Variants in SND1 observed in about 807,000 individuals in gnomAD.
SND1 encodes staphylococcal nuclease and tudor domain containing 1.
In SND1, 38 loss-of-function variants were observed where a neutral mutation model predicts 121.7. The observed-to-expected ratio is 0.31, with a 90% confidence interval of 0.24 to 0.41. SND1 has a LOEUF of 0.41. SND1 is among the 10% of genes least tolerant of loss of function. SND1 has a pLI of 1.00. For synonymous variants in SND1, 401 were observed against 447.4 expected (o/e 0.90, Z 1.31); for missense variants, 868 against 1,184.6 (o/e 0.73, Z 3.92).
At chr7:127,859,836 G>A (rs1584624062) in intron 12 of SND1, among the ~76,000 whole-genome samples, 1 of 152,146 alleles carries the variant, frequency 6.6e-6, no homozygotes, top group Non-Finnish European at 1.5e-5. Context: ...GCTAACCACT[G>A]AGAAAGGGAG....
intron 12 of SND1, among the ~76,000 whole-genome samples, chr7:127,854,048 G>T (rs886542238): frequency 6.6e-6 from 1 of 152,032 alleles, no homozygotes; most frequent in Non-Finnish European, 1.5e-5. Flanking sequence ...TGCCTTTCAG[G>T]GTTTGCAAAC....
At chr7:127,917,218 G>T (rs965486666) in intron 14 of SND1, among the ~76,000 whole-genome samples, 1 of 152,196 alleles carries the variant, frequency 6.6e-6, no homozygotes, top group Non-Finnish European at 1.5e-5. Context: ...TAAAGCCACT[G>T]GGTGGGGTAA....
rs111383385 is a variant in SND1 at position 128,085,576 on chromosome 7, G to A, written c.2235-135G>A. 2.7e-6 allele frequency: 2 copies of A among 733,282 alleles called. No individual in the cohort carries two copies. Among genetic ancestry groups the A allele is most frequent in the Non-Finnish European group, 4.8e-6 (2 of 417,518 alleles). The allele number at this position is 733,282 out of a possible 1,614,324, so 45.4% of individuals were successfully genotyped here. A position where few individuals can be genotyped will look rare whatever the true frequency, so the allele number is the denominator to read the frequency against. On this transcript the variant is annotated intron_variant, in intron 19 of 23. Coordinates refer to ENST00000354725, the MANE Select transcript of SND1 (RefSeq NM_014390.4). The surrounding 1 kb of genome is among the most constrained non-coding windows in gnomAD (Gnocchi z 4.4). Reference sequence around the variant, plus strand: ...GGCCGAGGCTGGGCCTAGATGGAGTGCAGTTACTGTCCCCTGTGACACCCG... The same window carrying A: ...GGCCGAGGCTGGGCCTAGATGGAGTACAGTTACTGTCCCCTGTGACACCCG...
At chr7:128,026,695 G>A (rs35602492) in intron 16 of SND1, among the ~76,000 whole-genome samples, 9,777 of 152,218 alleles carry the variant, frequency 0.064, 383 homozygotes, top group Middle Eastern at 0.19. Flanking sequence ...CAGGTTCCTC[G>A]GGTAGAGCTG....
At chr7:127,935,108 T>A (rs529619411) in intron 15 of SND1, among the ~76,000 whole-genome samples, 3 of 152,308 alleles carry the variant, frequency 2.0e-5, no homozygotes, top group Non-Finnish European at 4.4e-5. Context: ...AACCTCTCGG[T>A]ACAGTTTCAT....
chr7:127,837,684 G>A (rs1483537093), intron 11 of SND1, among the ~76,000 whole-genome samples: 1 of 152,204 alleles, frequency 6.6e-6, no homozygotes, highest in African/African-American at 2.4e-5. Context: ...CGATGAATGG[G>A]TGATTGATGT....
chr7:127,769,414 T>C (rs1797475825), intron 10 of SND1, among the ~76,000 whole-genome samples: 1 of 152,234 alleles, frequency 6.6e-6, no homozygotes, highest in Non-Finnish European at 1.5e-5. Context: ...GTGCTATTAC[T>C]TGGTGATTTC....
At chr7:127,810,217 C>T (rs1005190141) in intron 11 of SND1, among the ~76,000 whole-genome samples, 1 of 152,100 alleles carries the variant, frequency 6.6e-6, no homozygotes, top group Admixed American at 6.6e-5. Context: ...ATTGCCTTTT[C>T]AACCCATTGC....
chr7:127,765,085 C>G (rs1193939313), intron 10 of SND1, among the ~76,000 whole-genome samples: 1 of 152,090 alleles, frequency 6.6e-6, no homozygotes, highest in African/African-American at 2.4e-5. Flanking sequence ...CCATCAGAAT[C>G]AGTTAGGTGA....
At chr7:127,870,704 G>C (rs943987429) in intron 12 of SND1, among the ~76,000 whole-genome samples, 1 of 152,142 alleles carries the variant, frequency 6.6e-6, no homozygotes, top group African/African-American at 2.4e-5. Flanking sequence ...GTTGCTTTGG[G>C]TGAATCATTG....
intron 10 of SND1, among the ~76,000 whole-genome samples, chr7:127,778,364 A>C (rs1797659385): frequency 6.6e-6 from 1 of 152,002 alleles, no homozygotes; most frequent in Non-Finnish European, 1.5e-5. Context: ...CGCCCAGCTA[A>C]CTTTTCATAT....
chr7:127,969,331 G>A (rs1158711217), intron 15 of SND1, among the ~76,000 whole-genome samples: 1 of 152,120 alleles, frequency 6.6e-6, no homozygotes, highest in Non-Finnish European at 1.5e-5. Context: ...GTGCAGTAAC[G>A]TGCTGTATGG....
chr7:127,847,476 A>T (rs552570149), intron 12 of SND1, among the ~76,000 whole-genome samples: 5 of 152,312 alleles, frequency 3.3e-5, no homozygotes, highest in Non-Finnish European at 7.4e-5. Flanking sequence ...TTTTATTTTC[A>T]TTTTAAACAT....
At chr7:127,999,305 G>A (rs1044461197) in intron 16 of SND1, 1 of 151,274 alleles carries the variant, frequency 6.6e-6, no homozygotes, top group Non-Finnish European at 1.5e-5. Flanking sequence ...CCTAGGGAAT[G>A]TGTCCCTACT....
chr7:127,915,201 A>G (rs1336812420), intron 14 of SND1, among the ~76,000 whole-genome samples: 1 of 151,902 alleles, frequency 6.6e-6, no homozygotes, highest in Non-Finnish European at 1.5e-5. Context: ...TTTTGTAGAG[A>G]TGGGGTTTTG....
chr7:127,873,227 A>G (rs1799630535), intron 12 of SND1, among the ~76,000 whole-genome samples: 1 of 152,052 alleles, frequency 6.6e-6, no homozygotes, highest in Admixed American at 6.6e-5. Flanking sequence ...GGGTTAGGGA[A>G]CCTCACAGGA....
intron 10 of SND1, among the ~76,000 whole-genome samples, chr7:127,778,422 C>T (rs1489427141): frequency 6.6e-6 from 1 of 152,196 alleles, no homozygotes; most frequent in Non-Finnish European, 1.5e-5. Context: ...TGGTCTCGAT[C>T]TCCTGACCTT....
intron 10 of SND1, among the ~76,000 whole-genome samples, chr7:127,752,766 C>A (rs570510014): frequency 2.6e-5 from 4 of 152,288 alleles, no homozygotes; most frequent in African/African-American, 9.6e-5. Context: ...ATGCTGAAAT[C>A]TGAATTTCAT....
At chr7:128,081,982 C>T (rs371825791) in intron 18 of SND1, 5 of 534,174 alleles carry the variant, frequency 9.4e-6, no homozygotes. Flanking sequence ...TAACATAGCC[C>T]TGAGTGATAG....
Sources: gnomAD v4.1 joint callset for allele counts (sites outside exome capture counted in the v4.1 genomes callset) on GRCh38, gnomAD v4.1.1 for gene constraint, Gnocchi (gnomAD v3.1) non-coding constraint, MANE v1.5 for transcripts, NCBI Gene and HGNC (gene_info 2026-07-23, HGNC 2026-07-21) for gene names.